Variants in WDR33 observed in about 807,000 individuals in gnomAD.
WDR33 encodes the protein pre-mRNA 3' end processing protein WDR33.
A neutral mutation model predicts 164.9 loss-of-function variants in WDR33; 47 were observed. The observed-to-expected ratio is 0.29, with a 90% CI of 0.23 to 0.36. The LOEUF is 0.36. Among genes scored for constraint, WDR33 ranks in the 10% least tolerant of loss-of-function variants. The pLI is 1.00. For synonymous variants in WDR33, 505 were observed against 589.0 expected (o/e 0.86, Z 2.06); for missense variants, 1,137 against 1,754.1 (o/e 0.65, Z 6.28).
In WDR33 at chr2:127,720,023, G is replaced by C; in HGVS notation, c.2002C>G (p.Pro668Ala). The stretch of plus-strand genomic sequence containing the variant: ...CCTTGGGGCCCATGCATGTCCTGAG[G>C]CCGTGGCAACCCCTGGGGCGGGCCC... ...PQGPPQGLPR[P>A]QDMHGPQGMQ... Residue 668 changes from proline to alanine, a missense_variant, in exon 16 of 22, where the codon CCT (proline) becomes GCT (alanine). By Grantham distance (27) the Pro-to-Ala change is conservative. Transcript: ENST00000322313. The surrounding 1 kb of genome is among the most constrained non-coding windows in gnomAD (Gnocchi z 5.9). The C allele has an allele frequency of 6.2e-7, 1 of 1,613,930 alleles. No individual in the cohort carries two copies. Among genetic ancestry groups the C allele is most frequent in the Non-Finnish European group, 8.5e-7 (1 of 1,179,954 alleles).
rs1686312006 is a variant in WDR33 at position 127,716,734 on chromosome 2, A to G, written c.2869+421T>C. Among the ~76,000 whole-genome samples the G allele has an allele frequency of 6.6e-6, 1 of 152,268 alleles. No individual in the cohort carries two copies. Among genetic ancestry groups the G allele is most frequent in the African/African-American group, 2.4e-5 (1 of 41,476 alleles). Reference sequence around the variant, plus strand: ...TCAAATGGTGCACAACTACATAACCAGCTGAAGAGTTCAATGTGTGACAGG... The same window carrying G: ...TCAAATGGTGCACAACTACATAACCGGCTGAAGAGTTCAATGTGTGACAGG... On this transcript the variant is annotated intron_variant, in intron 17 of 21. Coordinates refer to ENST00000322313, the MANE Select transcript of WDR33 (RefSeq NM_018383.5). The surrounding 1 kb of genome is among the most constrained non-coding windows in gnomAD (Gnocchi z 4.5).
At chr2:127,780,132 C>T (rs1471922349) in intron 1 of WDR33, among the ~76,000 whole-genome samples, 1 of 152,050 alleles carries the variant, frequency 6.6e-6, no homozygotes, top group Non-Finnish European at 1.5e-5. Context: ...CGCCACCACG[C>T]CCAGCTAATT....
chr2:127,782,718 A>G (rs1688417863), intron 1 of WDR33, among the ~76,000 whole-genome samples: 1 of 152,226 alleles, frequency 6.6e-6, no homozygotes, highest in African/African-American at 2.4e-5. Flanking sequence ...AATTTAAAGT[A>G]TACAGCAGGA....
chr2:127,747,661 A>C (rs979562316), intron 7 of WDR33, among the ~76,000 whole-genome samples: 2 of 152,152 alleles, frequency 1.3e-5, no homozygotes, highest in African/African-American at 4.8e-5. Flanking sequence ...CTGCTTGTCT[A>C]ATGCTGGTTA....
At position 127,719,938 on chromosome 2, in the gene WDR33, T is replaced by C; in HGVS notation, c.2087A>G (p.Gln696Arg). 2 of 1,613,856 alleles carry C rather than the reference T, an allele frequency of 1.2e-6. No homozygotes were observed. The highest frequency in any genetic ancestry group is 1.7e-6 in the Non-Finnish European group (2 of 1,179,942). ...PLGPQGPPGPQGSSGPQGHMG... is the reference protein window; with the variant it reads ...PLGPQGPPGPRGSSGPQGHMG... ...ATGACCTTGAGGACCAGAACTACCTTGTGGTCCAGGTGGCCCTTGAGGTCC... is the reference window on the plus strand; with the variant it reads ...ATGACCTTGAGGACCAGAACTACCTCGTGGTCCAGGTGGCCCTTGAGGTCC... The change falls in exon 16 of 22, where the codon CAA (glutamine) becomes CGA (arginine). Residue 696 changes from glutamine (Q) to arginine (R), a missense_variant. Gln to Arg is a conservative substitution (Grantham distance 43). This residue lies in a region of WDR33 where 867 missense variants were observed against 1,073.0 expected (regional missense o/e 0.81). Transcript: ENST00000322313. The surrounding 1 kb of genome is among the most constrained non-coding windows in gnomAD (Gnocchi z 6.5).
chr2:127,711,250 C>A (rs1419965049), intron 18 of WDR33, among the ~76,000 whole-genome samples: 2 of 151,996 alleles, frequency 1.3e-5, no homozygotes, highest in African/African-American at 2.4e-5. Flanking sequence ...CATGGCTAAA[C>A]CCCATCTTTA....
At chr2:127,767,300 A>AT (rs1687852465) in intron 4 of WDR33, among the ~76,000 whole-genome samples, 1 of 152,196 alleles carries the variant, frequency 6.6e-6, no homozygotes, top group South Asian at 2.1e-4. Context: ...CAACAAGTGC[A>AT]TTAGCTAGGA....
At position 127,723,291 on chromosome 2, in the gene WDR33, T is replaced by A; in HGVS notation, c.1253A>T (p.Asn418Ile). Residue 418 changes from asparagine to isoleucine, a missense_variant, in exon 12 of 22, where the codon AAC (asparagine) becomes ATC (isoleucine). By Grantham distance (149) the Asn-to-Ile change is moderately radical. Around this residue, in one of 9 missense-constraint regions of WDR33, gnomAD observed 21 missense variants for 102.2 expected, o/e 0.21. Transcript: ENST00000322313. This position sits in a 1 kb window ranked among gnomAD's most constrained non-coding sequence, Gnocchi z 5.9. The stretch of plus-strand genomic sequence containing the variant: ...ATCTTCAGACATTCCAGGTAAAAGG[T>A]TTAGATTATATCGATCTCGCATTTT... ...GDKMRDRYNL[N>I]LLPGMSEDGV... 1 of 1,614,022 alleles carries A rather than the reference T, an allele frequency of 6.2e-7. No individual in the cohort carries two copies. The highest frequency in any genetic ancestry group is 8.5e-7 in the Non-Finnish European group (1 of 1,179,986).
chr2:127,810,165 C>A (rs1260830531), intron 1 of WDR33, among the ~76,000 whole-genome samples: 1 of 152,120 alleles, frequency 6.6e-6, no homozygotes, highest in Non-Finnish European at 1.5e-5. Context: ...TCAGTGCAGG[C>A]TTTTTGTTCA....
In WDR33 at chr2:127,765,245, C is replaced by T; in HGVS notation, c.403G>A (p.Val135Ile). 1 of 1,614,038 alleles carries T rather than the reference C, an allele frequency of 6.2e-7. No homozygotes were observed. The highest frequency in any genetic ancestry group is 8.5e-7 in the Non-Finnish European group (1 of 1,179,998). The stretch of plus-strand genomic sequence containing the variant: ...AACTCCCCACTAGAAGCTCCAGTGA[C>T]CAAGCGTCTTCCTTCTGGAGTCCAC... ...VRWTPEGRRL[V>I]TGASSGEFTL... The change falls in exon 5 of 22, where the codon GTC (valine) becomes ATC (isoleucine). Residue 135 changes from valine to isoleucine, a missense_variant. By Grantham distance (29) the Val-to-Ile change is conservative. Transcript: ENST00000322313.
At chr2:127,801,047 G>A (rs777216596) in intron 1 of WDR33, among the ~76,000 whole-genome samples, 5 of 151,286 alleles carry the variant, frequency 3.3e-5, no homozygotes, top group Non-Finnish European at 7.4e-5. Context: ...TGGGAAGATG[G>A]AGCCCAGGAG....
intron 1 of WDR33, among the ~76,000 whole-genome samples, chr2:127,787,112 G>A (rs1195369458): frequency 1.1e-4 from 10 of 91,932 alleles, no homozygotes; most frequent in African/African-American, 3.3e-4. Context: ...ATCTTGCACC[G>A]CCCTTAATCC....
chr2:127,760,034 AT>A (rs1237851132), intron 7 of WDR33, among the ~76,000 whole-genome samples: 1 of 152,206 alleles, frequency 6.6e-6, no homozygotes, highest in Non-Finnish European at 1.5e-5. Context: ...TGCAGACTTA[AT>A]TTTTGGTATT....
intron 1 of WDR33, among the ~76,000 whole-genome samples, chr2:127,793,321 C>T (rs1688907067): frequency 6.6e-6 from 1 of 152,010 alleles, no homozygotes; most frequent in South Asian, 2.1e-4. Flanking sequence ...ATCCCACCTA[C>T]TCGGGAGGCT....
At chr2:127,796,644 TTTC>T (rs1689053511) in intron 1 of WDR33, among the ~76,000 whole-genome samples, 1 of 152,042 alleles carries the variant, frequency 6.6e-6, no homozygotes, top group African/African-American at 2.4e-5. Context: ...CAATTTTAGT[TTTC>T]TTCATTACAT....
intron 7 of WDR33, among the ~76,000 whole-genome samples, chr2:127,743,250 T>C (rs967410261): frequency 5.3e-5 from 8 of 152,184 alleles, no homozygotes; most frequent in Non-Finnish European, 8.8e-5. Flanking sequence ...AAATTTGCTA[T>C]GATAAAGGTT....
At chr2:127,778,142 T>A (rs1263369370) in intron 1 of WDR33, among the ~76,000 whole-genome samples, 4 of 151,976 alleles carry the variant, frequency 2.6e-5, no homozygotes, top group African/African-American at 9.7e-5. Flanking sequence ...AAAAAAATTT[T>A]AAAAAATTAT....
At chr2:127,732,108 A>C (rs999436481) in intron 7 of WDR33, among the ~76,000 whole-genome samples, 6 of 138,122 alleles carry the variant, frequency 4.3e-5, no homozygotes, top group Non-Finnish European at 7.8e-5. Flanking sequence ...CAACATATAC[A>C]ACACACACAC....
At position 127,736,633 on chromosome 2, in the gene WDR33, T is replaced by C. The variant is rs571678988; in HGVS notation, c.725-9856A>G. The C allele has an allele frequency of 5.3e-5, 52 of 985,444 alleles. No individual in the cohort carries two copies. In the Admixed American group the frequency reaches 2.8e-3, roughly 52 times the overall value. 61.0% of individuals were successfully genotyped at this position (985,444 alleles called of 1,614,324 possible). On this transcript the variant is annotated intron_variant, in intron 7 of 21. Coordinates refer to ENST00000322313, the MANE Select transcript of WDR33 (RefSeq NM_018383.5). ...CATGGAAGACCAACAAAGGCTGACCTAAAAGAAACTGTCAAATAGGTTAGA... is the reference window on the plus strand; with the variant it reads ...CATGGAAGACCAACAAAGGCTGACCCAAAAGAAACTGTCAAATAGGTTAGA...
Sources: allele counts gnomAD v4.1 joint callset (sites outside exome capture counted in the v4.1 genomes callset), GRCh38; gene constraint gnomAD v4.1.1; regional missense constraint gnomAD v4.1.1; non-coding constraint Gnocchi (gnomAD v3.1); transcripts MANE v1.5; gene names NCBI Gene and HGNC (gene_info 2026-07-23, HGNC 2026-07-21).